GALNT13: variants seen among roughly 807,000 people sequenced by gnomAD.
GALNT13 encodes polypeptide N-acetylgalactosaminyltransferase 13, also known as UDP-GalNAc:polypeptide N-acetylgalactosaminyltransferase 13.
A neutral mutation model predicts 64.2 loss-of-function variants in GALNT13; 28 were observed. The ratio of observed to expected loss-of-function variants is 0.44; its 90% CI spans 0.32 to 0.60. GALNT13 has a LOEUF of 0.60. Among genes scored for constraint, GALNT13 ranks in the 20% least tolerant of loss-of-function variants. GALNT13 has a pLI of 0.05. For synonymous variants in GALNT13, 214 were observed against 224.6 expected (o/e 0.95, Z 0.42); for missense variants, 577 against 669.8 (o/e 0.86, Z 1.53).
chr2:154,081,238 CT>C (rs1207789219), intron 3 of GALNT13, among the ~76,000 whole-genome samples: 6 of 151,540 alleles, frequency 4.0e-5, no homozygotes, highest in African/African-American at 1.2e-4. Flanking sequence ...GACTTTGTCA[CT>C]TGTATTTTTC....
the GALNT13 span, among the ~76,000 whole-genome samples, chr2:153,418,272 A>G: frequency 2.0e-5 from 3 of 152,186 alleles, no homozygotes; most frequent in Non-Finnish European, 4.4e-5. Flanking sequence ...AAAGACAAGG[A>G]AACAAATTCC....
chr2:154,164,853 A>G (rs1014323622), intron 4 of GALNT13, among the ~76,000 whole-genome samples: 22 of 152,148 alleles, frequency 1.4e-4, no homozygotes, highest in Non-Finnish European at 7.4e-5. Context: ...ACTAAAAAAC[A>G]AGTTTTTGGT....
intron 3 of GALNT13, among the ~76,000 whole-genome samples, chr2:154,008,212 C>T (rs974040150): frequency 1.3e-5 from 2 of 152,082 alleles, no homozygotes; most frequent in African/African-American, 4.8e-5. Flanking sequence ...GGGAATGCTT[C>T]CAGCTTTTGC....
At chr2:153,162,083 T>G in the GALNT13 span, among the ~76,000 whole-genome samples, 1 of 152,078 alleles carries the variant, frequency 6.6e-6, no homozygotes, top group Admixed American at 6.5e-5. Context: ...TGACATGAGA[T>G]AAGGAGGATG....
intron 3 of GALNT13, 34 bp downstream of exon 3, chr2:153,944,673 G>T (rs1486081853): frequency 5.1e-6 from 8 of 1,565,928 alleles, no homozygotes; most frequent in South Asian, 1.2e-5. Context: ...TGTCTTTATA[G>T]AGATGAGAAA....
At chr2:154,371,181 T>C (rs1697666008) in intron 9 of GALNT13, among the ~76,000 whole-genome samples, 1 of 147,664 alleles carries the variant, frequency 6.8e-6, no homozygotes, top group African/African-American at 2.5e-5. Context: ...GAAGGCAGAA[T>C]AGGAAGTGTG....
At chr2:153,251,147 A>G in the GALNT13 span, among the ~76,000 whole-genome samples, 1 of 152,230 alleles carries the variant, frequency 6.6e-6, no homozygotes, top group African/African-American at 2.4e-5. Context: ...TACAGAATGC[A>G]TTGCCAAATA....
chr2:153,893,257 T>C (rs1052438884), intron 1 of GALNT13, among the ~76,000 whole-genome samples: 4 of 152,112 alleles, frequency 2.6e-5, no homozygotes, highest in African/African-American at 9.7e-5. Flanking sequence ...GAAAATTGAT[T>C]TTGTTTCTTA....
At chr2:154,206,365 A>G (rs1341370594) in intron 4 of GALNT13, among the ~76,000 whole-genome samples, 1 of 151,960 alleles carries the variant, frequency 6.6e-6, no homozygotes, top group East Asian at 1.9e-4. Flanking sequence ...AGAGAGAGAG[A>G]TATATCTAGA....
At chr2:154,178,995 G>T (rs1573818511) in intron 4 of GALNT13, among the ~76,000 whole-genome samples, 2 of 152,254 alleles carry the variant, frequency 1.3e-5, no homozygotes, top group East Asian at 3.9e-4. Context: ...GATTTTTAGA[G>T]CTCTCAGTTT....
At chr2:153,456,204 C>T in the GALNT13 span, among the ~76,000 whole-genome samples, 1 of 152,214 alleles carries the variant, frequency 6.6e-6, no homozygotes, top group East Asian at 1.9e-4. Flanking sequence ...GCCACGATTT[C>T]AGGCTTTTTG....
At chr2:154,033,703 G>A (rs1225143238) in intron 3 of GALNT13, among the ~76,000 whole-genome samples, 1 of 152,186 alleles carries the variant, frequency 6.6e-6, no homozygotes, top group African/African-American at 2.4e-5. Context: ...ACTTTGGGAT[G>A]CTGAGGCGGT....
chr2:154,263,251 A>C (rs889633658), intron 8 of GALNT13, among the ~76,000 whole-genome samples: 2 of 152,206 alleles, frequency 1.3e-5, no homozygotes, highest in African/African-American at 4.8e-5. Flanking sequence ...GTAAGATAGC[A>C]CATATTCTAA....
At chr2:154,136,065 A>G (rs1347701108) in intron 3 of GALNT13, among the ~76,000 whole-genome samples, 1 of 152,204 alleles carries the variant, frequency 6.6e-6, no homozygotes, top group Non-Finnish European at 1.5e-5. Flanking sequence ...TTGGTAGCAG[A>G]GTATGAATAT....
Position 154,396,087 on chromosome 2 carries a change from A to G in GALNT13, c.1253A>G (p.Tyr418Cys), listed in dbSNP as rs375197545. ...TTTTCTTGGTACCTAGAAAACATCT[A>G]TCCGGACTCCCAGATCCCAAGACGT... ...KPFSWYLENI[Y>C]PDSQIPRRYY... The change falls in exon 10 of 13, where the codon TAT becomes TGT. Residue 418 changes from tyrosine (Y) to cysteine (C), a missense_variant. Physicochemically the swap from Tyr to Cys is radical, Grantham distance 194. Transcript: ENST00000392825. The G allele has an allele frequency of 2.5e-6, 4 of 1,609,856 alleles. No individual in the cohort carries two copies. The highest frequency in any genetic ancestry group is 3.4e-6 in the Non-Finnish European group (4 of 1,177,756).
At chr2:154,110,284 T>G (rs1031710760) in intron 3 of GALNT13, among the ~76,000 whole-genome samples, 409 of 1,976 alleles carry the variant, frequency 0.21, 17 homozygotes, top group South Asian at 0.4. Flanking sequence ...ATAGGATATA[T>G]ATATATATAT....
the GALNT13 span, among the ~76,000 whole-genome samples, chr2:153,105,275 A>G: frequency 6.6e-6 from 1 of 152,062 alleles, no homozygotes. Context: ...CAAAAACCAC[A>G]TGATTATCTC....
intron 4 of GALNT13, among the ~76,000 whole-genome samples, chr2:154,217,171 AT>A (rs1453952296): frequency 2.0e-5 from 3 of 152,074 alleles, no homozygotes; most frequent in Non-Finnish European, 4.4e-5. Context: ...GATTTAAAAA[AT>A]ATACCCTATC....
At chr2:153,533,856 T>C in the GALNT13 span, among the ~76,000 whole-genome samples, 5 of 151,534 alleles carry the variant, frequency 3.3e-5, no homozygotes. Context: ...TTTTGATCTC[T>C]AGTATTTCTT....
Sources: gnomAD v4.1 joint callset for allele counts (sites outside exome capture counted in the v4.1 genomes callset) on GRCh38, gnomAD v4.1.1 for gene constraint, MANE v1.5 for transcripts, NCBI Gene and HGNC (gene_info 2026-07-23, HGNC 2026-07-21) for gene names.